The following PDE11A variants were observed in gnomAD, a reference collection of about 807,000 sequenced individuals.
PDE11A encodes the protein dual 3',5'-cyclic-AMP and -GMP phosphodiesterase 11A.
PDE11A carries 100 observed loss-of-function variants against 100.5 expected under a neutral mutation model. That is an observed-to-expected ratio of 1.00 (90% CI 0.85 to 1.18). PDE11A has a LOEUF of 1.18. Among genes scored for constraint, PDE11A ranks in the 50% most tolerant of loss-of-function variants. The pLI is 0.00. For synonymous variants in PDE11A, 381 were observed against 420.8 expected (o/e 0.91, Z 1.16); for missense variants, 1,141 against 1,152.6 (o/e 0.99, Z 0.15).
chr2:177,695,008 T>C (rs1312045322), intron 15 of PDE11A, among the ~76,000 whole-genome samples: 1 of 151,900 alleles, frequency 6.6e-6, no homozygotes, highest in African/African-American at 2.4e-5. Flanking sequence ...ATTTTTTTTT[T>C]CTGTTTGTTT....
At chr2:177,933,496 T>C (rs1378192163) in intron 2 of PDE11A, among the ~76,000 whole-genome samples, 2 of 151,794 alleles carry the variant, frequency 1.3e-5, no homozygotes, top group Non-Finnish European at 2.9e-5. Context: ...GCTTGATCAA[T>C]ATGGTGAAAC....
intron 1 of PDE11A, among the ~76,000 whole-genome samples, chr2:178,016,403 C>T (rs2086338642): frequency 6.6e-6 from 1 of 151,992 alleles, no homozygotes; most frequent in Non-Finnish European, 1.5e-5. Context: ...CAAACAAAAC[C>T]AAATCTCCTG....
At chr2:177,804,570 A>G (rs1343273275) in intron 9 of PDE11A, among the ~76,000 whole-genome samples, 1 of 151,950 alleles carries the variant, frequency 6.6e-6, no homozygotes, top group Non-Finnish European at 1.5e-5. Flanking sequence ...TCCTACTACT[A>G]GGTATATCCC....
chr2:177,865,338 C>T (rs1011398214), intron 5 of PDE11A, among the ~76,000 whole-genome samples: 2 of 152,074 alleles, frequency 1.3e-5, no homozygotes, highest in African/African-American at 2.4e-5. Context: ...ACTAAAATGG[C>T]TATAACTAAA....
In PDE11A at chr2:177,812,226, G is replaced by C. The variant is rs186676336; in HGVS notation, c.1737+4603C>G. On this transcript the variant is annotated intron_variant, in intron 9 of 19. Transcript: ENST00000286063. Reference sequence around the variant, plus strand: ...GTATATATATTTATGGGGAAAACAGGCTTCTTATACCCATTTAACATATGA... The same window carrying C: ...GTATATATATTTATGGGGAAAACAGCCTTCTTATACCCATTTAACATATGA... Among the ~76,000 whole-genome samples, 170 of 152,072 alleles carry C rather than the reference G, an allele frequency of 1.1e-3. 1 individual carries two copies. Among genetic ancestry groups the C allele is most frequent in the African/African-American group, 4.1e-3 (170 of 41,472 alleles).
chr2:177,683,768 T>C (rs7577598), intron 15 of PDE11A, among the ~76,000 whole-genome samples: 14,558 of 152,166 alleles, frequency 0.096, 2,332 homozygotes, highest in African/African-American at 0.33. Context: ...AACATTACAG[T>C]CACTGACTGT....
intron 3 of PDE11A, among the ~76,000 whole-genome samples, chr2:177,900,481 T>C (rs3108451): frequency 0.81 from 122,657 of 152,222 alleles, 50,582 homozygotes; most frequent in Non-Finnish European, 0.89. Flanking sequence ...AGTAGCTGGG[T>C]GTGGTGGCTC....
intron 2 of PDE11A, among the ~76,000 whole-genome samples, chr2:178,000,934 G>A (rs2086137442): frequency 1.3e-5 from 2 of 152,250 alleles, no homozygotes; most frequent in South Asian, 4.2e-4. Flanking sequence ...TGCAACAGTA[G>A]GAAACTAATG....
chr2:178,082,419 A>C (rs1441715771), intron 2 of PDE11A, among the ~76,000 whole-genome samples: 1 of 152,208 alleles, frequency 6.6e-6, no homozygotes, highest in Non-Finnish European at 1.5e-5. Flanking sequence ...CCATATGTCA[A>C]CTAAAAAATG....
intron 6 of PDE11A, among the ~76,000 whole-genome samples, chr2:177,831,484 G>A (rs1220855521): frequency 2.6e-5 from 4 of 152,338 alleles, no homozygotes; most frequent in South Asian, 4.1e-4. Flanking sequence ...GCTTGATAGA[G>A]TAAATTATCT....
At position 178,071,539 on chromosome 2, in the gene PDE11A, G is replaced by A; in HGVS notation, c.899C>T (p.Pro300Leu). The part of the protein sequence containing the change: ...VGEHGETVNI[P>L]DAYQDRRFND... ...GCAAAGTCCTACCTGGTAGGCATCA[G>A]GAATGTTGACCGTTTCTCCATGCTC... is the stretch of plus-strand genomic sequence containing the variant. The change falls in exon 1 of 20, where the codon CCT (proline) becomes CTT (leucine). Residue 300 changes from proline to leucine, a missense_variant. Physicochemically the swap from Pro to Leu is moderately conservative, Grantham distance 98. Transcript: ENST00000286063. The A allele has an allele frequency of 6.2e-7, 1 of 1,612,840 alleles. No individual in the cohort carries two copies. The highest frequency in any genetic ancestry group is 1.1e-5 in the South Asian group (1 of 91,028).
intron 10 of PDE11A, among the ~76,000 whole-genome samples, chr2:177,762,930 T>C (rs2082189371): frequency 6.6e-6 from 1 of 152,144 alleles, no homozygotes; most frequent in Non-Finnish European, 1.5e-5. Context: ...AGCCTGGGCT[T>C]GCAGATCTGG....
chr2:177,894,700 C>T (rs895734381), intron 4 of PDE11A, among the ~76,000 whole-genome samples: 4 of 152,158 alleles, frequency 2.6e-5, no homozygotes, highest in Non-Finnish European at 5.9e-5. Flanking sequence ...AGACCTAACA[C>T]CATGTAAGGC....
chr2:178,088,564 G>A (rs1302190609), intron 2 of PDE11A, among the ~76,000 whole-genome samples: 1 of 152,178 alleles, frequency 6.6e-6, no homozygotes, highest in East Asian at 1.9e-4. Context: ...TAATTGCCAA[G>A]TTAACTAATC....
In PDE11A at chr2:178,072,484, T is replaced by C. The variant is rs1364148980; in HGVS notation, c.-47A>G. The C allele has an allele frequency of 6.2e-7, 1 of 1,609,720 alleles. No individual in the cohort carries two copies. The highest frequency in any genetic ancestry group is 1.7e-5 in the Admixed American group (1 of 59,956). On this transcript the variant is annotated 5_prime_UTR_variant, in exon 1 of 20. Coordinates refer to ENST00000286063, the MANE Select transcript of PDE11A (RefSeq NM_016953.4). ...CCTGTTTACACGTGAACCAAATGTT[T>C]TCCTGCCCCGAGGCCTCTAGCTGTT...
rs1485285112 is a variant in PDE11A, at chr2:178,071,625, G to A, written c.813C>T (p.Ser271=). 3 of 1,613,090 alleles carry A rather than the reference G, an allele frequency of 1.9e-6. No individual in the cohort carries two copies. The African/African-American group carries it at 4.0e-5, about 22-fold the overall frequency. Residue 271 remains serine (S), a synonymous_variant, in exon 1 of 20, where the codon AGC becomes AGT. Coordinates refer to ENST00000286063, the MANE Select transcript of PDE11A (RefSeq NM_016953.4). ...HAGTPLLPCS[S]TENSNEVQVP... is the part of the protein sequence containing the mutation. ...CCTGCACCTCATTTGAGTTCTCTGT[G>A]CTGCTGCAAGGCAGCAGAGGTGTTC...
In PDE11A at chr2:177,840,973, A is replaced by G. The variant is rs572634653; in HGVS notation, c.1368-590T>C. Among the ~76,000 whole-genome samples, 34 of 152,324 alleles carry G rather than the reference A, an allele frequency of 2.2e-4. No individual in the cohort carries two copies. The South Asian group carries it at 6.4e-3, about 29-fold the overall frequency. ...TTAACTATTTTGGTAATTTTAGATTATGTTTCTTAACAATAGCCCATATAC... is the reference window on the plus strand; with the variant it reads ...TTAACTATTTTGGTAATTTTAGATTGTGTTTCTTAACAATAGCCCATATAC... On this transcript the variant is annotated intron_variant, in intron 5 of 19. Coordinates refer to ENST00000286063, the MANE Select transcript of PDE11A (RefSeq NM_016953.4).
At chr2:177,631,605 G>GTGTATATATATACATATATGTGTGTA (rs1553529244) in intron 19 of PDE11A, among the ~76,000 whole-genome samples, 4 of 101,196 alleles carry the variant, frequency 4.0e-5, no homozygotes, top group South Asian at 3.5e-4. Context: ...ATATATGTGT[G>GTGTATATATATACATATATGTGTGTA]TATATATATA....
intron 5 of PDE11A, among the ~76,000 whole-genome samples, chr2:177,867,447 G>T (rs1473747653): frequency 6.6e-6 from 1 of 152,078 alleles, no homozygotes; most frequent in Non-Finnish European, 1.5e-5. Context: ...TGTGCAATAT[G>T]GGCTGGGTGA....
Sources: gnomAD v4.1 joint callset for allele counts (sites outside exome capture counted in the v4.1 genomes callset) on GRCh38, gnomAD v4.1.1 for gene constraint, MANE v1.5 for transcripts, NCBI Gene and HGNC (gene_info 2026-07-23, HGNC 2026-07-21) for gene names.